Variants in AP4B1 observed in about 807,000 individuals in gnomAD.
AP4B1 encodes AP-4 complex subunit beta-1.
Under a neutral mutation model 76.5 loss-of-function variants are expected in AP4B1, and 49 were observed. That is an observed-to-expected ratio of 0.64 (90% CI 0.51 to 0.81). The LOEUF (loss-of-function observed/expected upper bound fraction) is 0.81. Ranked by LOEUF, AP4B1 falls within the 40% of genes least tolerant of loss-of-function variation. The pLI, the probability that AP4B1 is intolerant of heterozygous loss-of-function variation, is 0.00. For missense variants in AP4B1, 911 were observed against 904.9 expected, an observed-to-expected ratio of 1.01 and a Z score of -0.09; for synonymous variants, 330 against 333.3, an observed-to-expected ratio of 0.99 and a Z score of 0.11.
rs10745340 is a variant in AP4B1 at position 113,894,348 on chromosome 1, T to C, written c.*717A>G. Among the ~76,000 whole-genome samples, 48,970 of 152,148 alleles carry C rather than the reference T, an allele frequency of 0.32. 9,540 individuals carry two copies. The highest frequency in any genetic ancestry group is 0.78 in the East Asian group (4,018 of 5,176). Reference sequence around the variant, plus strand: ...TAGAGGTATGCTCTGGCTACTTTGATAGCTTGAGGGAGGCCCCTAATGAAG... The same window carrying C: ...TAGAGGTATGCTCTGGCTACTTTGACAGCTTGAGGGAGGCCCCTAATGAAG... On this transcript the variant is annotated 3_prime_UTR_variant, in exon 10 of 10. Transcript: ENST00000369569.
At position 113,901,322 on chromosome 1, in the gene AP4B1, C is replaced by CT. The variant is rs879255397; in HGVS notation, c.530_531insA (p.Asn178GlufsTer20). ...TTTCCTCTAGAGACCTCAAGCAGTT[C>CT]ACAACTACAATTGGATCCTGGTCAC... is the stretch of plus-strand genomic sequence containing the variant. On this transcript the variant is annotated frameshift_variant, in exon 4 of 10. Transcript: ENST00000369569. LOFTEE classifies it high-confidence loss of function. 4 of 1,614,052 alleles carry CT rather than the reference C, an allele frequency of 2.5e-6. No individual in the cohort carries two copies. The highest frequency in any genetic ancestry group is 3.4e-6 in the Non-Finnish European group (4 of 1,179,966).
chr1:113,897,088 A>G (rs1667571174), intron 7 of AP4B1: 1 of 144,248 alleles, frequency 6.9e-6, no homozygotes, highest in Admixed American at 7.2e-5. Flanking sequence ...AGTTGCAGTG[A>G]GCTAAGATGG....
upstream of AP4B1, chr1:113,904,943 G>A (rs1217397): frequency 0.3 from 153,932 of 515,762 alleles, 26,127 homozygotes; most frequent in African/African-American, 0.57. Context: ...AGGCCCTACC[G>A]TCGGCCGGCA....
chr1:113,897,654 C>T, intron 7 of AP4B1, 186 bp downstream of exon 7: 1 of 646,760 alleles, frequency 1.5e-6, no homozygotes, highest in South Asian at 1.9e-5. Context: ...TAATAAAACC[C>T]GTCGGATAAA....
chr1:113,904,530 G>A (rs756707100), intron 1 of AP4B1, 75 bp downstream of exon 1: 48 of 1,394,762 alleles, frequency 3.4e-5, no homozygotes, highest in Non-Finnish European at 4.7e-5. Flanking sequence ...CACCCTTTCA[G>A]AGAGACTGGG....
chr1:113,897,767 T>C (rs140140139), intron 7 of AP4B1, 73 bp downstream of exon 7: 1 of 1,502,544 alleles, frequency 6.7e-7, no homozygotes, highest in African/African-American at 1.4e-5. Flanking sequence ...AGAGAATAAT[T>C]AGATTCCATT....
Position 113,902,697 on chromosome 1 carries a change from G to A in AP4B1, c.279C>T (p.Asp93=). 6.2e-7 allele frequency: 1 copy of A among 1,614,184 alleles called. No homozygotes were observed. Among genetic ancestry groups the A allele is most frequent in the South Asian group, 1.1e-5 (1 of 91,086 alleles). The part of the protein sequence containing the change: ...ALLAINTLCK[D]CSDPNPMVRG... ...GCACCATTGGATTGGGGTCTGAGCA[G>A]TCTTTGCACAGCGTATTGATGGCCA... is the stretch of plus-strand genomic sequence containing the variant. The change falls in exon 2 of 10, where the codon GAC becomes GAT. Residue 93 remains aspartate (D), a synonymous_variant. Coordinates refer to ENST00000369569, the MANE Select transcript of AP4B1 (RefSeq NM_001253852.3).
intron 2 of AP4B1, 80 bp from the exon 3 acceptor site, chr1:113,901,965 G>T: frequency 1.3e-6 from 2 of 1,542,788 alleles, no homozygotes; most frequent in South Asian, 1.1e-5. Context: ...CCTAACAGAT[G>T]GTTTAGTAGA....
At chr1:113,897,629 G>A (rs766758434) in intron 7 of AP4B1, 2 of 611,456 alleles carry the variant, frequency 3.3e-6, no homozygotes, top group Non-Finnish European at 5.7e-6. Flanking sequence ...AGAGAACAAT[G>A]GTATCACAGT....
chr1:113,901,578 T>C lies in AP4B1; in HGVS notation c.469+177A>G, dbSNP rs557191782. On this transcript the variant is annotated intron_variant, in intron 3 of 9. Transcript: ENST00000369569. ...TAAGCAGCTAATACAAAGGATCTCA[T>C]TGGGGCCCCAGAGAAAGGACTTCTC... is the stretch of plus-strand genomic sequence containing the variant. Among the ~76,000 whole-genome samples the C allele has an allele frequency of 1.7e-4, 26 of 152,252 alleles. No homozygotes were observed. In the South Asian group the frequency reaches 5.0e-3, roughly 29 times the overall value.
chr1:113,894,940 T>G lies in AP4B1; in HGVS notation c.*125A>C. 8.9e-7 allele frequency: 1 copy of G among 1,123,340 alleles called. No individual in the cohort carries two copies. The highest frequency in any genetic ancestry group is 1.2e-6 in the Non-Finnish European group (1 of 801,426). 69.6% of individuals were successfully genotyped at this position (1,123,340 alleles called of 1,614,324 possible). On this transcript the variant is annotated 3_prime_UTR_variant, in exon 10 of 10. Coordinates refer to ENST00000369569, the MANE Select transcript of AP4B1 (RefSeq NM_001253852.3). ...TCTTTGGCCAAAAACTTAAGAATCC[T>G]GATTTCTAGATTTTCCACTCTCCTT...
Position 113,894,956 on chromosome 1 carries a change from C to T in AP4B1, c.*109G>A. The T allele has an allele frequency of 1.7e-6, 2 of 1,211,852 alleles. No individual in the cohort carries two copies. Among genetic ancestry groups the T allele is most frequent in the Non-Finnish European group, 2.3e-6 (2 of 874,088 alleles). The allele number at this position is 1,211,852 out of a possible 1,614,324, so 75.1% of individuals were successfully genotyped here. A position where few individuals can be genotyped will look rare whatever the true frequency, so the allele number is the denominator to read the frequency against. ...TAAGAATCCTGATTTCTAGATTTTCCACTCTCCTTTGTATCTGATATTATC... is the reference window on the plus strand; with the variant it reads ...TAAGAATCCTGATTTCTAGATTTTCTACTCTCCTTTGTATCTGATATTATC... On this transcript the variant is annotated 3_prime_UTR_variant, in exon 10 of 10. Transcript: ENST00000369569.
chr1:113,897,985 T>C, intron 6 of AP4B1, 42 bp from the exon 7 acceptor site: 2 of 1,613,710 alleles, frequency 1.2e-6, no homozygotes, highest in Non-Finnish European at 1.7e-6. Flanking sequence ...GATTAGAGCC[T>C]CCAGGTAGGC....
In AP4B1 at chr1:113,895,226, C is replaced by T. The variant is rs1460215345; in HGVS notation, c.2059G>A (p.Asp687Asn). The T allele has an allele frequency of 1.3e-5, 21 of 1,614,226 alleles. No individual in the cohort carries two copies. The highest frequency in any genetic ancestry group is 1.7e-5 in the Non-Finnish European group (20 of 1,180,046). Residue 687 changes from aspartate to asparagine, a missense_variant, in exon 10 of 10, where the codon GAT becomes AAT. Coordinates refer to ENST00000369569, the MANE Select transcript of AP4B1 (RefSeq NM_001253852.3). ...RPWKAYLSAQ[D>N]DTGCLFLTEL... Reference sequence around the variant, plus strand: ...GTTAAGAACAGACAGCCAGTATCATCCTGAGCACTGAGGTATGCTTTCCAT... The same window carrying T: ...GTTAAGAACAGACAGCCAGTATCATTCTGAGCACTGAGGTATGCTTTCCAT...
Position 113,901,692 on chromosome 1 carries a change from A to C in AP4B1, c.469+63T>G, listed in dbSNP as rs559212401. The C allele has an allele frequency of 5.9e-5, 94 of 1,604,964 alleles. No individual in the cohort carries two copies. In the African/African-American group the frequency reaches 1.2e-3, roughly 20 times the overall value. ...TTATTATTTTCTACCAAAGCCACAC[A>C]ATCTTTTTTAAAGTTATACATAATG... On this transcript the variant is annotated intron_variant, in intron 3 of 9. Transcript: ENST00000369569.
At chr1:113,904,069 C>T (rs1288879105) in intron 1 of AP4B1, among the ~76,000 whole-genome samples, 2 of 152,068 alleles carry the variant, frequency 1.3e-5, no homozygotes. Context: ...TTGATGAAGG[C>T]CTGGACCAGA....
At chr1:113,903,870 C>G (rs967949979) in intron 1 of AP4B1, among the ~76,000 whole-genome samples, 15 of 152,200 alleles carry the variant, frequency 9.9e-5, no homozygotes, top group African/African-American at 3.6e-4. Context: ...TGGGTTCCCT[C>G]CCACCCTACT....
At chr1:113,896,130 G>T (rs1667434368) in intron 8 of AP4B1, 92 bp from the exon 9 acceptor site, 1 of 1,600,480 alleles carries the variant, frequency 6.2e-7, no homozygotes, top group East Asian at 2.2e-5. Flanking sequence ...AAATGAAGGA[G>T]AGAGGAAAAC....
At chr1:113,896,134 G>A (rs1667435328) in intron 8 of AP4B1, 96 bp from the exon 9 acceptor site, 1 of 1,593,758 alleles carries the variant, frequency 6.3e-7, no homozygotes. Context: ...GAAGGAGAGA[G>A]GAAAACCTAG....
Sources: allele counts gnomAD v4.1 joint callset (sites outside exome capture counted in the v4.1 genomes callset), GRCh38; gene constraint gnomAD v4.1.1; transcripts MANE v1.5; gene names NCBI Gene and HGNC (gene_info 2026-07-23, HGNC 2026-07-21).